The following TLN2 variants were observed in gnomAD, a reference collection of about 807,000 sequenced individuals.
TLN2 encodes talin-2.
A neutral mutation model predicts 294.7 loss-of-function variants in TLN2; 118 were observed. The observed-to-expected ratio is 0.40, with a 90% CI of 0.34 to 0.47. TLN2 has a LOEUF of 0.47. Ranked by LOEUF, TLN2 falls within the 20% of genes least tolerant of loss-of-function variation. The pLI is 0.84. For synonymous variants in TLN2, 1,431 were observed against 1,304.5 expected, an observed-to-expected ratio of 1.10 and a Z score of -2.09; for missense variants, 3,083 against 3,282.2, an observed-to-expected ratio of 0.94 and a Z score of 1.48.
chr15:62,681,029 T>C (rs1271840885), intron 11 of TLN2, among the ~76,000 whole-genome samples: 1 of 152,242 alleles, frequency 6.6e-6, no homozygotes, highest in African/African-American at 2.4e-5. Flanking sequence ...TCAATTGTGC[T>C]GCTATAAAGG....
At chr15:62,690,132 C>T in intron 12 of TLN2, 1 of 146,656 alleles carries the variant, frequency 6.8e-6, no homozygotes, top group Non-Finnish European at 1.4e-5. Flanking sequence ...GACGGGGCGG[C>T]TGGCCAGGCA....
chr15:62,441,817 A>T (rs906740983), intron 1 of TLN2, among the ~76,000 whole-genome samples: 1 of 152,110 alleles, frequency 6.6e-6, no homozygotes, highest in African/African-American at 2.4e-5. Context: ...TATTAACAAC[A>T]TGAAGGACTG....
intron 42 of TLN2, among the ~76,000 whole-genome samples, chr15:62,774,363 C>G (rs774662316): frequency 6.6e-6 from 1 of 152,126 alleles, no homozygotes; most frequent in Non-Finnish European, 1.5e-5. Flanking sequence ...CCTCCGGAAT[C>G]TAAAATAACC....
At chr15:62,766,244 C>T in intron 40 of TLN2, 77 bp from the exon 41 acceptor site, 5 of 1,307,928 alleles carry the variant, frequency 3.8e-6, no homozygotes, top group Admixed American at 2.0e-5. Flanking sequence ...TGTCATTTTT[C>T]AGAGGGGCCT....
At position 62,798,603 on chromosome 15, in the gene TLN2, C is replaced by A. The variant is rs550055413; in HGVS notation, c.6234+1201C>A. ...CTCTGTTCCCAGAACCGTCAAATGC[C>A]AAGCACTTCAGTTTTCACTCCTTAA... is the stretch of plus-strand genomic sequence containing the variant. On this transcript the variant is annotated intron_variant, in intron 48 of 58. Coordinates refer to ENST00000636159, the MANE Select transcript of TLN2 (RefSeq NM_015059.3). Among the ~76,000 whole-genome samples the A allele has an allele frequency of 2.0e-5, 3 of 152,234 alleles. No individual in the cohort carries two copies. In the South Asian group the frequency reaches 6.2e-4, roughly 32 times the overall value.
At chr15:62,403,625 C>G (rs1447649830) in intron 1 of TLN2, among the ~76,000 whole-genome samples, 1 of 152,224 alleles carries the variant, frequency 6.6e-6, no homozygotes, top group African/African-American at 2.4e-5. Flanking sequence ...CTCTCCTCAG[C>G]ATTTGGCCAG....
intron 41 of TLN2, among the ~76,000 whole-genome samples, chr15:62,770,177 C>T (rs1217786733): frequency 2.0e-5 from 3 of 152,156 alleles, no homozygotes; most frequent in African/African-American, 7.2e-5. Context: ...CTCAAAGCCT[C>T]GGTATCTTCA....
chr15:62,658,062 G>T (rs1329894750), intron 9 of TLN2, 164 bp downstream of exon 9: 4 of 609,560 alleles, frequency 6.6e-6, no homozygotes, highest in Non-Finnish European at 1.1e-5. Flanking sequence ...GCAGATTTTG[G>T]GGAAAGCAAG....
intron 1 of TLN2, among the ~76,000 whole-genome samples, chr15:62,486,454 T>G (rs1047736899): frequency 2.7e-5 from 2 of 72,840 alleles, no homozygotes; most frequent in African/African-American, 1.3e-4. Context: ...GTTCCTTTGT[T>G]TTTTTTTTTT....
chr15:62,522,818 T>C (rs1378950299), intron 1 of TLN2, among the ~76,000 whole-genome samples: 1 of 152,100 alleles, frequency 6.6e-6, no homozygotes, highest in Non-Finnish European at 1.5e-5. Context: ...TTGCATCTTC[T>C]CTCTCTCATG....
chr15:62,728,966 T>A (rs916634673), intron 28 of TLN2, among the ~76,000 whole-genome samples: 1 of 152,226 alleles, frequency 6.6e-6, no homozygotes, highest in South Asian at 2.1e-4. Flanking sequence ...ATTCTAGAGC[T>A]TCAGTGTTAG....
chr15:62,562,252 T>A (rs1251209105), intron 1 of TLN2, among the ~76,000 whole-genome samples: 1 of 152,236 alleles, frequency 6.6e-6, no homozygotes, highest in Non-Finnish European at 1.5e-5. Context: ...GGTTTGTTTT[T>A]ACCCATGTAT....
At chr15:62,767,025 A>T (rs1469239771) in intron 41 of TLN2, among the ~76,000 whole-genome samples, 1 of 152,180 alleles carries the variant, frequency 6.6e-6, no homozygotes, top group Admixed American at 6.5e-5. Flanking sequence ...TTGGCTTGTT[A>T]TGCAGCCTGT....
At chr15:62,412,030 G>C (rs1391809121) in intron 1 of TLN2, among the ~76,000 whole-genome samples, 1 of 152,158 alleles carries the variant, frequency 6.6e-6, no homozygotes, top group Non-Finnish European at 1.5e-5. Context: ...GTTAGCCCAT[G>C]TAATTCTTAC....
chr15:62,809,569 G>A (rs1365067114), intron 51 of TLN2, among the ~76,000 whole-genome samples: 1 of 152,178 alleles, frequency 6.6e-6, no homozygotes, highest in Non-Finnish European at 1.5e-5. Context: ...AGGTCAGTAC[G>A]TCTCCAGCTG....
intron 9 of TLN2, 131 bp downstream of exon 9, chr15:62,658,029 C>T (rs559874541): frequency 9.8e-4 from 930 of 952,312 alleles, no homozygotes; most frequent in Non-Finnish European, 1.3e-3. Flanking sequence ...AGCTTTTCTT[C>T]CATCGAGTAG....
intron 54 of TLN2, among the ~76,000 whole-genome samples, chr15:62,821,214 G>A (rs2141207190): frequency 6.6e-6 from 1 of 152,350 alleles, no homozygotes; most frequent in African/African-American, 2.4e-5. Context: ...CTAAATAAAA[G>A]GATGACAAGC....
chr15:62,676,714 A>G (rs2056242098), intron 11 of TLN2, among the ~76,000 whole-genome samples: 2 of 152,156 alleles, frequency 1.3e-5, no homozygotes, highest in Non-Finnish European at 2.9e-5. Context: ...TCCTGGGTTC[A>G]AGCCATTCTC....
chr15:62,805,351 A>G (rs1165157636), intron 50 of TLN2, among the ~76,000 whole-genome samples: 1 of 151,958 alleles, frequency 6.6e-6, no homozygotes, highest in East Asian at 1.9e-4. Context: ...ACAGGTTAAC[A>G]CTCTAGATAC....
Sources: gnomAD v4.1 joint callset for allele counts (sites outside exome capture counted in the v4.1 genomes callset) on GRCh38, gnomAD v4.1.1 for gene constraint, MANE v1.5 for transcripts, NCBI Gene and HGNC (gene_info 2026-07-23, HGNC 2026-07-21) for gene names.